The following CFAP44 variants were observed in gnomAD, a reference collection of about 807,000 sequenced individuals.
CFAP44 encodes the protein cilia and flagella associated protein 44.
A neutral mutation model predicts 216.2 loss-of-function variants in CFAP44; 134 were observed. That is an observed-to-expected ratio of 0.62 (90% confidence interval 0.54 to 0.72). The LOEUF (loss-of-function observed/expected upper bound fraction) is 0.72, where lower values mean the gene tolerates loss of function less well. CFAP44 is among the 30% of genes least tolerant of loss of function. CFAP44 has a pLI of 0.00. For synonymous variants in CFAP44, 700 were observed against 727.6 expected, an observed-to-expected ratio of 0.96 and a Z score of 0.61; for missense variants, 2,035 against 2,182.1, an observed-to-expected ratio of 0.93 and a Z score of 1.34.
At chr3:113,346,001 A>T (rs1229588201) in intron 22 of CFAP44, among the ~76,000 whole-genome samples, 1 of 152,034 alleles carries the variant, frequency 6.6e-6, no homozygotes, top group Non-Finnish European at 1.5e-5. Context: ...TAGCCTTTCC[A>T]TGAGACCCAG....
intron 13 of CFAP44, 105 bp from the exon 14 acceptor site, chr3:113,396,832 C>G: frequency 1.8e-6 from 2 of 1,140,720 alleles, no homozygotes; most frequent in Non-Finnish European, 2.5e-6. Context: ...TATTGGCTGC[C>G]CATTGGCAAT....
Position 113,291,291 on chromosome 3 carries a change from A to G in CFAP44, c.*266T>C, listed in dbSNP as rs1949826489. 1 of 308,430 alleles carries G rather than the reference A, an allele frequency of 3.2e-6. No individual in the cohort carries two copies. The highest frequency in any genetic ancestry group is 6.0e-6 in the Non-Finnish European group (1 of 166,794). The allele number at this position is 308,430 out of a possible 1,614,324, so 19.1% of individuals were successfully genotyped here. On this transcript the variant is annotated 3_prime_UTR_variant, in exon 35 of 35. Coordinates refer to ENST00000393845, the MANE Select transcript of CFAP44 (RefSeq NM_001164496.2). ...AGGTGATTTGCTGCAATCATGAAAC[A>G]CAGCCTTCCGAGACTTCATATTCAA...
intron 32 of CFAP44, among the ~76,000 whole-genome samples, chr3:113,301,781 AC>A (rs1949938128): frequency 6.6e-6 from 1 of 152,216 alleles, no homozygotes; most frequent in African/African-American, 2.4e-5. Flanking sequence ...TGTTGTGAGA[AC>A]ACTTAAAATT....
chr3:113,296,312 G>T (rs892700900), intron 33 of CFAP44, among the ~76,000 whole-genome samples: 2 of 152,028 alleles, frequency 1.3e-5, no homozygotes, highest in African/African-American at 4.8e-5. Flanking sequence ...TTCTTTGCCC[G>T]ACTGGTGTGA....
chr3:113,418,102 TTTA>T (rs1934699642), intron 5 of CFAP44, among the ~76,000 whole-genome samples: 2 of 141,504 alleles, frequency 1.4e-5, no homozygotes, highest in South Asian at 4.6e-4. Flanking sequence ...ACACAATTTA[TTTA>T]TTGAGACTCT....
At chr3:113,427,129 G>T in intron 3 of CFAP44, 58 bp downstream of exon 3, 3 of 1,541,634 alleles carry the variant, frequency 1.9e-6, no homozygotes, top group South Asian at 2.4e-5. Flanking sequence ...TCTTCCATTT[G>T]TCTGGGCTTT....
intron 8 of CFAP44, among the ~76,000 whole-genome samples, chr3:113,404,975 A>G (rs1934237918): frequency 6.6e-6 from 1 of 152,198 alleles, no homozygotes; most frequent in Admixed American, 6.5e-5. Context: ...TTTAATAGAG[A>G]AGTATTTGCT....
chr3:113,306,769 A>G (rs1949989528), intron 29 of CFAP44, among the ~76,000 whole-genome samples: 1 of 152,204 alleles, frequency 6.6e-6, no homozygotes, highest in South Asian at 2.1e-4. Flanking sequence ...GTAATAGAGA[A>G]TGTAGAAATG....
intron 22 of CFAP44, among the ~76,000 whole-genome samples, chr3:113,353,578 TC>T (rs927075285): frequency 2.0e-5 from 3 of 152,126 alleles, no homozygotes; most frequent in African/African-American, 7.2e-5. Flanking sequence ...AGGAACTTCT[TC>T]ACCACTTTCA....
At chr3:113,382,326 A>C (rs138263784) in intron 15 of CFAP44, among the ~76,000 whole-genome samples, 80 of 152,342 alleles carry the variant, frequency 5.3e-4, no homozygotes, top group Non-Finnish European at 1.0e-3. Context: ...TAAGAGGTCA[A>C]GAAAGATAAG....
intron 19 of CFAP44, 66 bp from the exon 20 acceptor site, chr3:113,363,598 G>T: frequency 1.5e-6 from 2 of 1,364,556 alleles, no homozygotes; most frequent in Non-Finnish European, 2.0e-6. Flanking sequence ...AAATATCTAG[G>T]AAGAAGTAAA....
chr3:113,363,663 G>A (rs1950562554), intron 19 of CFAP44, 131 bp from the exon 20 acceptor site: 3 of 772,100 alleles, frequency 3.9e-6, no homozygotes, highest in Admixed American at 3.6e-5. Context: ...AATAATTATA[G>A]GTCTGAAAAT....
At chr3:113,300,835 T>C (rs1400110312) in intron 32 of CFAP44, among the ~76,000 whole-genome samples, 1 of 152,144 alleles carries the variant, frequency 6.6e-6, no homozygotes, top group Non-Finnish European at 1.5e-5. Flanking sequence ...AAATTCAAAG[T>C]CTAATAAGAT....
intron 8 of CFAP44, among the ~76,000 whole-genome samples, chr3:113,406,361 T>C (rs1205735121): frequency 1.3e-5 from 2 of 152,148 alleles, no homozygotes; most frequent in Non-Finnish European, 2.9e-5. Context: ...CTCTGTGACA[T>C]AACTGAAAGT....
intron 26 of CFAP44, among the ~76,000 whole-genome samples, chr3:113,329,306 G>C (rs181023262): frequency 2.0e-5 from 3 of 152,308 alleles, no homozygotes; most frequent in African/African-American, 7.2e-5. Context: ...TGCTTTGAAT[G>C]ATAACTCAAC....
At chr3:113,439,902 C>T (rs983511741) in intron 1 of CFAP44, among the ~76,000 whole-genome samples, 4 of 152,046 alleles carry the variant, frequency 2.6e-5, no homozygotes, top group African/African-American at 9.7e-5. Context: ...AACAGACTCT[C>T]GGTTTTTACT....
chr3:113,411,233 T>C (rs995103522), intron 6 of CFAP44, among the ~76,000 whole-genome samples: 1 of 152,250 alleles, frequency 6.6e-6, no homozygotes, highest in African/African-American at 2.4e-5. Context: ...GCCTATTTCC[T>C]GAATGGTGTT....
chr3:113,372,100 G>A (rs1933185771), intron 18 of CFAP44, among the ~76,000 whole-genome samples: 1 of 152,210 alleles, frequency 6.6e-6, no homozygotes, highest in Admixed American at 6.5e-5. Flanking sequence ...AGAGGATGTG[G>A]AGAAATAGGA....
intron 32 of CFAP44, among the ~76,000 whole-genome samples, chr3:113,298,640 G>T (rs75602028): frequency 0.034 from 5,109 of 152,292 alleles, 261 homozygotes; most frequent in African/African-American, 0.11. Context: ...ACATATAATG[G>T]AATATTATTT....
Sources: allele counts gnomAD v4.1 joint callset (sites outside exome capture counted in the v4.1 genomes callset), GRCh38; gene constraint gnomAD v4.1.1; transcripts MANE v1.5; gene names NCBI Gene and HGNC (gene_info 2026-07-23, HGNC 2026-07-21).